Variants in PPM1H observed in about 807,000 individuals in gnomAD.
PPM1H encodes protein phosphatase, Mg2+/Mn2+ dependent 1H.
A neutral mutation model predicts 54.9 loss-of-function variants in PPM1H; 27 were observed. That is an observed-to-expected ratio of 0.49 (90% CI 0.36 to 0.68). The LOEUF is 0.68. Among genes scored for constraint, PPM1H ranks in the 30% least tolerant of loss-of-function variants. The probability of loss-of-function intolerance (pLI) is 0.00; values close to 1 mark genes in which losing one functional copy is unlikely to be tolerated. For synonymous variants in PPM1H, 305 were observed against 270.8 expected (o/e 1.13, Z -1.24); for missense variants, 596 against 667.8 (o/e 0.89, Z 1.19).
intron 1 of PPM1H, among the ~76,000 whole-genome samples, chr12:62,833,689 C>T (rs990391528): frequency 2.0e-5 from 3 of 152,108 alleles, no homozygotes; most frequent in African/African-American, 7.2e-5. Flanking sequence ...TTTCAAAGCA[C>T]ACTTCTGCCA....
At chr12:62,849,948 A>G (rs938071471) in intron 1 of PPM1H, among the ~76,000 whole-genome samples, 1 of 152,114 alleles carries the variant, frequency 6.6e-6, no homozygotes, top group Non-Finnish European at 1.5e-5. Flanking sequence ...CAGAGTAATT[A>G]AATAACAATT....
chr12:62,816,904 G>T (rs1467164338), intron 2 of PPM1H, among the ~76,000 whole-genome samples: 1 of 151,544 alleles, frequency 6.6e-6, no homozygotes, highest in Admixed American at 6.6e-5. Context: ...GGAAACTATA[G>T]TGAAACCATG....
intron 7 of PPM1H, among the ~76,000 whole-genome samples, chr12:62,693,306 C>T (rs1407442782): frequency 6.6e-6 from 1 of 152,176 alleles, no homozygotes; most frequent in African/African-American, 2.4e-5. Context: ...CTGACTGGAA[C>T]CCTGGGAGCT....
At chr12:62,891,148 A>G (rs1870783709) in intron 1 of PPM1H, among the ~76,000 whole-genome samples, 1 of 151,272 alleles carries the variant, frequency 6.6e-6, no homozygotes, top group African/African-American at 2.4e-5. Context: ...TGAATTCTAG[A>G]GCATATTTTT....
chr12:62,698,826 T>C (rs1339988323), intron 6 of PPM1H, among the ~76,000 whole-genome samples: 1 of 152,182 alleles, frequency 6.6e-6, no homozygotes. Context: ...TAGTTTATAA[T>C]GACACACACA....
chr12:62,802,261 T>C, intron 2 of PPM1H, 101 bp from the exon 3 acceptor site: 1 of 922,362 alleles, frequency 1.1e-6, no homozygotes, highest in Non-Finnish European at 1.6e-6. Context: ...TCCACTTGGT[T>C]GTCTGTCGTC....
At chr12:62,839,063 A>T (rs112940077) in intron 1 of PPM1H, among the ~76,000 whole-genome samples, 8 of 152,008 alleles carry the variant, frequency 5.3e-5, no homozygotes, top group Non-Finnish European at 1.2e-4. Flanking sequence ...ATGGTATAAA[A>T]TGAATTTGCT....
chr12:62,681,930 A>G (rs1396441327), intron 8 of PPM1H, among the ~76,000 whole-genome samples: 6 of 152,200 alleles, frequency 3.9e-5, no homozygotes, highest in African/African-American at 1.2e-4. Context: ...TTCATATGTC[A>G]TTCAGTTTTT....
chr12:62,668,575 C>G (rs1192486702), intron 8 of PPM1H, among the ~76,000 whole-genome samples: 1 of 152,162 alleles, frequency 6.6e-6, no homozygotes, highest in Non-Finnish European at 1.5e-5. Context: ...GGGGTTTTAC[C>G]AGCTGGGTCC....
chr12:62,751,133 A>T (rs1330821549), intron 4 of PPM1H, among the ~76,000 whole-genome samples: 1 of 152,196 alleles, frequency 6.6e-6, no homozygotes, highest in African/African-American at 2.4e-5. Context: ...TTTAAAGATG[A>T]CTGTTGACTA....
intron 4 of PPM1H, among the ~76,000 whole-genome samples, chr12:62,754,953 A>G (rs892725081): frequency 1.3e-5 from 2 of 152,228 alleles, no homozygotes; most frequent in South Asian, 4.2e-4. Flanking sequence ...TCTTTACAAG[A>G]TGGGTGGCCT....
At chr12:62,819,957 G>A (rs1326489127) in intron 2 of PPM1H, among the ~76,000 whole-genome samples, 1 of 152,206 alleles carries the variant, frequency 6.6e-6, no homozygotes, top group Non-Finnish European at 1.5e-5. Flanking sequence ...AGGGCGAGCC[G>A]AAGCAGGGTG....
At chr12:62,661,578 G>GTA (rs2136605873) in intron 9 of PPM1H, among the ~76,000 whole-genome samples, 1 of 152,260 alleles carries the variant, frequency 6.6e-6, no homozygotes, top group African/African-American at 2.4e-5. Flanking sequence ...TGTATTTTTA[G>GTA]TATAGACGGG....
intron 4 of PPM1H, among the ~76,000 whole-genome samples, chr12:62,768,301 T>C (rs557806419): frequency 1.3e-5 from 2 of 152,148 alleles, no homozygotes; most frequent in South Asian, 4.2e-4. Flanking sequence ...TGGGACAGAA[T>C]TGAGGCTATC....
At chr12:62,780,769 C>T (rs1456036031) in intron 4 of PPM1H, among the ~76,000 whole-genome samples, 1 of 152,206 alleles carries the variant, frequency 6.6e-6, no homozygotes, top group African/African-American at 2.4e-5. Context: ...TGATCAGGCC[C>T]TGGAAATCTA....
chr12:62,838,341 G>GGGT (rs1284665260), intron 1 of PPM1H, among the ~76,000 whole-genome samples: 1 of 135,668 alleles, frequency 7.4e-6, no homozygotes, highest in Non-Finnish European at 1.5e-5. Flanking sequence ...GTGTGTGTGG[G>GGGT]GGGGGGGAGA....
chr12:62,770,157 C>T lies in PPM1H; in HGVS notation c.869+18069G>A, dbSNP rs143846103. Reference sequence around the variant, plus strand: ...TTTTTCCACCTGGGGGATAATATTACTAATGATAATTATTATGGTTATTGG... The same window carrying T: ...TTTTTCCACCTGGGGGATAATATTATTAATGATAATTATTATGGTTATTGG... On this transcript the variant is annotated intron_variant, in intron 4 of 9. Coordinates refer to ENST00000228705, the MANE Select transcript of PPM1H (RefSeq NM_020700.2). 4.7e-5 allele frequency among the ~76,000 whole-genome samples: 7 copies of T among 150,282 alleles called. No homozygotes were observed. In the East Asian group the frequency reaches 1.4e-3, roughly 30 times the overall value.
At chr12:62,756,339 C>T (rs1424140121) in intron 4 of PPM1H, 2 of 486,440 alleles carry the variant, frequency 4.1e-6, no homozygotes, top group East Asian at 4.5e-5. Context: ...GAGAATCTCC[C>T]TTTCTCAAGT....
intron 1 of PPM1H, among the ~76,000 whole-genome samples, chr12:62,910,656 G>T (rs1217138503): frequency 2.6e-5 from 4 of 152,178 alleles, no homozygotes; most frequent in Non-Finnish European, 4.4e-5. Context: ...ATGACTGAGA[G>T]AATTAGCTGA....
Sources: allele counts gnomAD v4.1 joint callset (sites outside exome capture counted in the v4.1 genomes callset), GRCh38; gene constraint gnomAD v4.1.1; transcripts MANE v1.5; gene names NCBI Gene and HGNC (gene_info 2026-07-23, HGNC 2026-07-21).